DHX36: variants seen among roughly 807,000 people sequenced by gnomAD.
DHX36 encodes the protein DEAH-box helicase 36.
Under a neutral mutation model 139.0 loss-of-function variants are expected in DHX36, and 50 were observed. The ratio of observed to expected loss-of-function variants is 0.36; its 90% CI spans 0.29 to 0.46. The LOEUF (loss-of-function observed/expected upper bound fraction) is 0.46, where lower values mean the gene tolerates loss of function less well. Ranked by LOEUF, DHX36 falls within the 20% of genes least tolerant of loss-of-function variation. The probability of loss-of-function intolerance (pLI) is 1.00; values close to 1 mark genes in which losing one functional copy is unlikely to be tolerated. For synonymous variants in DHX36, 425 were observed against 401.9 expected (o/e 1.06, Z -0.69); for missense variants, 1,024 against 1,211.3 (o/e 0.85, Z 2.29).
At chr3:154,279,239 C>G (rs1212162497) in intron 22 of DHX36, 6 of 152,096 alleles carry the variant, frequency 3.9e-5, no homozygotes, top group African/African-American at 1.4e-4. Context: ...AGAAGGAAAG[C>G]AGAATAGACA....
chr3:154,309,501 G>T, intron 5 of DHX36, 152 bp downstream of exon 5: 1 of 524,390 alleles, frequency 1.9e-6, no homozygotes, highest in South Asian at 7.0e-5. Context: ...CAATTTTTTG[G>T]GCTTTATTAT....
intron 21 of DHX36, 25 bp downstream of exon 21, chr3:154,280,736 TTA>T (rs1719309216): frequency 3.1e-6 from 5 of 1,606,854 alleles, no homozygotes; most frequent in Non-Finnish European, 4.3e-6. Context: ...CAAAAGATAC[TTA>T]TTTACACTGT....
intron 15 of DHX36, among the ~76,000 whole-genome samples, chr3:154,291,375 T>A (rs1479638357): frequency 6.6e-6 from 1 of 152,204 alleles, no homozygotes; most frequent in East Asian, 1.9e-4. Context: ...TAAGGCTTAG[T>A]ATGTTTATTA....
chr3:154,300,920 C>G, intron 10 of DHX36, 67 bp downstream of exon 10: 1 of 1,582,032 alleles, frequency 6.3e-7, no homozygotes, highest in Non-Finnish European at 8.6e-7. Flanking sequence ...CAAGAAGATG[C>G]CCCCAGCCTC....
In DHX36 at chr3:154,306,221, G is replaced by A; in HGVS notation, c.888C>T (p.Leu296=). The A allele has an allele frequency of 6.2e-7, 1 of 1,612,332 alleles. No homozygotes were observed. Among genetic ancestry groups the A allele is most frequent in the Middle Eastern group, 1.7e-4 (1 of 6,052 alleles). ...AAGAAGTGAACATTTCTTACCTCTG[G>A]AGACGAATTTGATATCCAGTACTAT... ...SGNSTGYQIR[L]QSRLPRKQGS... Residue 296 remains leucine, a synonymous_variant, in exon 6 of 25, where the codon CTC becomes CTT. Transcript: ENST00000496811.
At position 154,292,552 on chromosome 3, in the gene DHX36, T is replaced by G; in HGVS notation, c.1813A>C (p.Arg605=). The change falls in exon 15 of 25, where the codon AGA becomes CGA. Residue 605 remains arginine, a splice_region_variant and synonymous_variant. Transcript: ENST00000496811. Reference sequence around the variant, plus strand: ...CTTTGGACAGAGTTCCCACCTTACCTTCCAGCTCGACCTTTTCTCTGTTTG... The same window carrying G: ...CTTTGGACAGAGTTCCCACCTTACCGTCCAGCTCGACCTTTTCTCTGTTTG... ...NAKQRKGRAG[R]VQPGHCYHLY... is the part of the protein sequence containing the mutation. 6.2e-7 allele frequency: 1 copy of G among 1,614,122 alleles called. No homozygotes were observed. The highest frequency in any genetic ancestry group is 8.5e-7 in the Non-Finnish European group (1 of 1,179,984).
rs997536750 is a variant in DHX36, at chr3:154,290,906, G to A, written c.1815-1080C>T. On this transcript the variant is annotated intron_variant, in intron 15 of 24. Coordinates refer to ENST00000496811, the MANE Select transcript of DHX36 (RefSeq NM_020865.3). The stretch of plus-strand genomic sequence containing the variant: ...TCCCAGCACTTTGGGAGGCCGAGGC[G>A]GGCGGATCACGAGGTCAGGAGATCG... 1.2e-4 allele frequency among the ~76,000 whole-genome samples: 18 copies of A among 151,312 alleles called. No individual in the cohort carries two copies. The East Asian group carries it at 1.4e-3, about 12-fold the overall frequency.
At chr3:154,310,804 A>AT (rs1712712569) in intron 4 of DHX36, among the ~76,000 whole-genome samples, 2 of 34,544 alleles carry the variant, frequency 5.8e-5, no homozygotes, top group African/African-American at 2.5e-4. Context: ...AAAAAAAAAA[A>AT]AAATATATAT....
intron 6 of DHX36, 48 bp downstream of exon 6, chr3:154,306,168 A>T (rs1712493737): frequency 7.3e-7 from 1 of 1,366,266 alleles, no homozygotes; most frequent in Admixed American, 1.8e-5. Context: ...CTCCAGCTTC[A>T]AAGTTTCACT....
At chr3:154,287,017 G>C (rs986748987) in intron 17 of DHX36, among the ~76,000 whole-genome samples, 6 of 152,162 alleles carry the variant, frequency 3.9e-5, no homozygotes, top group East Asian at 1.9e-4. Context: ...CATAAAGCTA[G>C]AGTAATTAAG....
intron 2 of DHX36, among the ~76,000 whole-genome samples, chr3:154,315,679 C>T (rs1387044583): frequency 6.6e-6 from 1 of 152,054 alleles, no homozygotes; most frequent in African/African-American, 2.4e-5. Context: ...AATACTTGTA[C>T]TAATTTTTCC....
At chr3:154,292,896 C>T (rs1288002061) in intron 14 of DHX36, among the ~76,000 whole-genome samples, 2 of 151,868 alleles carry the variant, frequency 1.3e-5, no homozygotes, top group African/African-American at 4.8e-5. Context: ...TTATAGGGAT[C>T]GAGTACCTAA....
chr3:154,309,598 T>C, intron 5 of DHX36, 55 bp downstream of exon 5: 1 of 1,484,898 alleles, frequency 6.7e-7, no homozygotes, highest in Non-Finnish European at 9.1e-7. Context: ...ATCAGTAGGT[T>C]CTAGCAAGAT....
chr3:154,306,030 TACAA>T (rs766011591), intron 6 of DHX36, among the ~76,000 whole-genome samples, 182 bp downstream of exon 6: 27 of 152,206 alleles, frequency 1.8e-4, no homozygotes, highest in Non-Finnish European at 3.7e-4. Context: ...AAAAAGGCAA[TACAA>T]GTCTGATGTG....
At position 154,306,277 on chromosome 3, in the gene DHX36, C is replaced by T. The variant is rs560624516; in HGVS notation, c.832G>A (p.Ala278Thr). Residue 278 changes from alanine (A) to threonine (T), a missense_variant, in exon 6 of 25, where the codon GCA (alanine) becomes ACA (threonine). Ala to Thr is a moderately conservative substitution (Grantham distance 58). This residue lies in a region of DHX36 where 146 missense variants were observed against 215.0 expected (regional missense o/e 0.68). Coordinates refer to ENST00000496811, the MANE Select transcript of DHX36 (RefSeq NM_020865.3). Reference protein sequence around the residue: ...SAISVAERVAAERAESCGSGN... With the variant: ...SAISVAERVATERAESCGSGN... ...CTGCCACAAGATTCTGCCCTTTCTGCAGCTACTCTTTCCGCAACCTTTAAT... is the reference window on the plus strand; with the variant it reads ...CTGCCACAAGATTCTGCCCTTTCTGTAGCTACTCTTTCCGCAACCTTTAAT... 6.2e-7 allele frequency: 1 copy of T among 1,613,492 alleles called. No individual in the cohort carries two copies. The highest frequency in any genetic ancestry group is 1.3e-5 in the African/African-American group (1 of 75,050).
rs578205970 is a variant in DHX36, at chr3:154,294,894, C to T, written c.1605+390G>A. On this transcript the variant is annotated intron_variant, in intron 13 of 24. Coordinates refer to ENST00000496811, the MANE Select transcript of DHX36 (RefSeq NM_020865.3). ...CAGAAATTTTATACCTGTGAATATA[C>T]TAGCTTTGTGAAATTAAATCTCAAA... 3.2e-4 allele frequency among the ~76,000 whole-genome samples: 49 copies of T among 152,270 alleles called. No homozygotes were observed. The Middle Eastern group carries it at 0.01, about 32-fold the overall frequency.
intron 15 of DHX36, among the ~76,000 whole-genome samples, chr3:154,291,145 AAAAAAAAAAAAAAAAAG>A (rs2108343136): frequency 7.1e-6 from 1 of 140,434 alleles, no homozygotes; most frequent in Admixed American, 7.2e-5. Context: ...AAAAAAAAAA[AAAAAAAAAAAAAAAAAG>A]AGTACCTCCA....
chr3:154,288,715 T>C (rs531097102), intron 17 of DHX36, 151 bp downstream of exon 17: 4 of 416,178 alleles, frequency 9.6e-6, no homozygotes, highest in Admixed American at 8.7e-5. Context: ...CATAACCTGA[T>C]AGTTCTAAAT....
intron 1 of DHX36, among the ~76,000 whole-genome samples, chr3:154,321,167 A>G (rs1318478509): frequency 1.3e-5 from 2 of 152,246 alleles, no homozygotes; most frequent in East Asian, 3.8e-4. Context: ...CTAGTTATAC[A>G]TATGTGTGTA....
Sources: allele counts gnomAD v4.1 joint callset (sites outside exome capture counted in the v4.1 genomes callset), GRCh38; gene constraint gnomAD v4.1.1; regional missense constraint gnomAD v4.1.1; transcripts MANE v1.5; gene names NCBI Gene and HGNC (gene_info 2026-07-23, HGNC 2026-07-21).